Variants in ADD3 observed in about 807,000 individuals in gnomAD.
ADD3 encodes gamma-adducin.
In ADD3, 25 loss-of-function variants were observed where a neutral mutation model predicts 80.2. The observed-to-expected ratio is 0.31, with a 90% CI of 0.23 to 0.44. The LOEUF (loss-of-function observed/expected upper bound fraction) is 0.44. Ranked by LOEUF, ADD3 falls within the 20% of genes least tolerant of loss-of-function variation. ADD3 has a pLI of 1.00. For missense variants in ADD3, 829 were observed against 847.5 expected (o/e 0.98, Z 0.27); for synonymous variants, 284 against 289.6 (o/e 0.98, Z 0.20).
intron 1 of ADD3, among the ~76,000 whole-genome samples, chr10:110,019,050 T>C (rs141885308): frequency 1.3e-5 from 2 of 152,338 alleles, no homozygotes; most frequent in African/African-American, 4.8e-5. Context: ...GGAAGAGATG[T>C]ACGATTTTAA....
At chr10:110,024,725 TCA>T (rs962601836) in intron 1 of ADD3, among the ~76,000 whole-genome samples, 5 of 152,204 alleles carry the variant, frequency 3.3e-5, no homozygotes, top group African/African-American at 1.2e-4. Context: ...TGAAAAGCAC[TCA>T]GTTTTTTAAA....
In ADD3 at chr10:110,107,018, T is replaced by G. The variant is rs552435213; in HGVS notation, c.196-5759T>G. ...ATTTGCTACGTTAACTGGGTCAAGA[T>G]TGAGATCAGATTCTTCACTTTCTTT... On this transcript the variant is annotated intron_variant, in intron 2 of 14. Transcript: ENST00000356080. Among the ~76,000 whole-genome samples, 29 of 152,242 alleles carry G rather than the reference T, an allele frequency of 1.9e-4. 1 individual carries two copies. In the South Asian group the frequency reaches 5.8e-3, roughly 30 times the overall value.
intron 1 of ADD3, among the ~76,000 whole-genome samples, chr10:110,053,418 A>G (rs992723329): frequency 2.8e-5 from 4 of 144,778 alleles, no homozygotes; most frequent in African/African-American, 1.2e-4. Flanking sequence ...GGATTCTATA[A>G]AGGTCATCTC....
chr10:110,009,872 A>G (rs190116237), intron 1 of ADD3, among the ~76,000 whole-genome samples: 9 of 152,374 alleles, frequency 5.9e-5, no homozygotes, highest in South Asian at 2.1e-4. Flanking sequence ...GAGACATTCA[A>G]TGTATTGCTA....
At chr10:110,070,659 T>C (rs1483755200) in intron 1 of ADD3, among the ~76,000 whole-genome samples, 1 of 152,146 alleles carries the variant, frequency 6.6e-6, no homozygotes, top group Non-Finnish European at 1.5e-5. Flanking sequence ...ACTGAGTATA[T>C]AGCAAATCTA....
intron 1 of ADD3, among the ~76,000 whole-genome samples, chr10:110,087,491 T>C (rs1396201947): frequency 6.6e-6 from 1 of 152,220 alleles, no homozygotes; most frequent in Non-Finnish European, 1.5e-5. Context: ...GAATCTTCAG[T>C]TTTACAAAGA....
chr10:110,119,300 TGAA>T lies in ADD3; in HGVS notation c.811_813del (p.Glu271del). The T allele has an allele frequency of 6.2e-7, 1 of 1,614,164 alleles. No homozygotes were observed. Among genetic ancestry groups the T allele is most frequent in the Non-Finnish European group, 8.5e-7 (1 of 1,180,006 alleles). On this transcript the variant is annotated inframe_deletion, in exon 7 of 15. Coordinates refer to ENST00000356080, the MANE Select transcript of ADD3 (RefSeq NM_016824.5). ...CCTATTATGACTACCAAGGGTCACTTGAAGAACAGGAGGAGAGAATTCAACTGC... is the reference window on the plus strand; with the variant it reads ...CCTATTATGACTACCAAGGGTCACTTGAACAGGAGGAGAGAATTCAACTGC...
Position 110,134,834 on chromosome 10 carries a change from G to A in ADD3, c.*1216G>A, listed in dbSNP as rs1316052861. ...TTTCTAATTTTTTGTATCTTTAGAGGGCAGCACTAGAAGAAATCAGCAGGT... is the reference window on the plus strand; with the variant it reads ...TTTCTAATTTTTTGTATCTTTAGAGAGCAGCACTAGAAGAAATCAGCAGGT... On this transcript the variant is annotated 3_prime_UTR_variant, in exon 15 of 15. Transcript: ENST00000356080. The A allele has an allele frequency of 1.3e-5, 2 of 152,452 alleles. No homozygotes were observed. The highest frequency in any genetic ancestry group is 4.8e-5 in the African/African-American group (2 of 41,372). The allele number at this position is 152,452 out of a possible 1,614,324, so 9.4% of individuals were successfully genotyped here.
chr10:110,015,530 C>A (rs1852866318), intron 1 of ADD3, among the ~76,000 whole-genome samples: 1 of 152,024 alleles, frequency 6.6e-6, no homozygotes, highest in Admixed American at 6.6e-5. Flanking sequence ...CACCCACCAC[C>A]ATGCTCGGCT....
At chr10:110,050,529 C>A (rs1340714110) in intron 1 of ADD3, among the ~76,000 whole-genome samples, 1 of 134,650 alleles carries the variant, frequency 7.4e-6, no homozygotes, top group African/African-American at 2.9e-5. Context: ...TTTTTTTTTC[C>A]TGAAGCGGAG....
At chr10:110,094,933 A>G (rs1218065752) in intron 1 of ADD3, among the ~76,000 whole-genome samples, 5 of 152,236 alleles carry the variant, frequency 3.3e-5, no homozygotes, top group African/African-American at 4.8e-5. Flanking sequence ...AAGTACAGCC[A>G]TCTCTTTGCT....
intron 1 of ADD3, among the ~76,000 whole-genome samples, chr10:110,097,415 G>A (rs561632423): frequency 1.3e-5 from 2 of 152,086 alleles, no homozygotes; most frequent in South Asian, 2.1e-4. Flanking sequence ...GTCTTATATT[G>A]GATTAATGTT....
At chr10:110,116,204 T>G in intron 3 of ADD3, 55 bp from the exon 4 acceptor site, 1 of 1,580,176 alleles carries the variant, frequency 6.3e-7, no homozygotes, top group Non-Finnish European at 8.6e-7. Context: ...GCAACTAATT[T>G]CCAGGTAAGG....
At chr10:110,072,098 G>A (rs141692201) in intron 1 of ADD3, among the ~76,000 whole-genome samples, 2 of 152,186 alleles carry the variant, frequency 1.3e-5, no homozygotes, top group Admixed American at 6.5e-5. Flanking sequence ...GTCTCTCTCT[G>A]TCACCCAGGC....
intron 3 of ADD3, among the ~76,000 whole-genome samples, chr10:110,113,855 G>A (rs1850353988): frequency 6.6e-6 from 1 of 152,324 alleles, no homozygotes; most frequent in Admixed American, 6.5e-5. Context: ...AGACATTGCA[G>A]CAATTGGAAG....
intron 3 of ADD3, among the ~76,000 whole-genome samples, chr10:110,113,900 A>G (rs1329845384): frequency 1.3e-5 from 2 of 152,232 alleles, no homozygotes; most frequent in South Asian, 2.1e-4. Flanking sequence ...CACTTGGCAG[A>G]TGGACATAGA....
rs541765111 is a variant in ADD3 at position 110,133,367 on chromosome 10, G to T, written c.1870G>T (p.Val624Leu). The T allele has an allele frequency of 5.0e-5, 81 of 1,604,326 alleles. No homozygotes were observed. In the East Asian group the frequency reaches 1.6e-3, roughly 32 times the overall value. ...LFSKSFISME[V>L]PVMVVNGKDD... ...TTCCAAGAGCTTCATCTCCATGGAA[G>T]TGCCTGTCATGGTAGTAAATGGCAA... Residue 624 changes from valine to leucine, a missense_variant, in exon 15 of 15, where the codon GTG (valine) becomes TTG (leucine). Physicochemically the swap from Val to Leu is conservative, Grantham distance 32. Coordinates refer to ENST00000356080, the MANE Select transcript of ADD3 (RefSeq NM_016824.5).
chr10:110,046,778 C>CA (rs1213670199), intron 1 of ADD3, among the ~76,000 whole-genome samples: 1 of 152,056 alleles, frequency 6.6e-6, no homozygotes, highest in African/African-American at 2.4e-5. Context: ...ATGCCTTGTA[C>CA]ATAATAGTTG....
chr10:110,024,010 A>G (rs537501129), intron 1 of ADD3, among the ~76,000 whole-genome samples: 3 of 152,338 alleles, frequency 2.0e-5, no homozygotes, highest in African/African-American at 7.2e-5. Flanking sequence ...ACTGGGGACT[A>G]CTAGAGGCAG....
Sources: gnomAD v4.1 joint callset for allele counts (sites outside exome capture counted in the v4.1 genomes callset) on GRCh38, gnomAD v4.1.1 for gene constraint, MANE v1.5 for transcripts, NCBI Gene and HGNC (gene_info 2026-07-23, HGNC 2026-07-21) for gene names.